TMEM132C: variants seen among roughly 807,000 people sequenced by gnomAD.
The protein encoded by TMEM132C is transmembrane protein 132C.
TMEM132C carries 29 observed loss-of-function variants against 61.4 expected under a neutral mutation model. The ratio of observed to expected loss-of-function variants is 0.47; its 90% confidence interval spans 0.35 to 0.64. TMEM132C has a LOEUF of 0.64. Ranked by LOEUF, TMEM132C falls within the 30% of genes least tolerant of loss-of-function variation. TMEM132C has a pLI of 0.00. For synonymous variants in TMEM132C, 656 were observed against 633.1 expected, an observed-to-expected ratio of 1.04 and a Z score of -0.54; for missense variants, 1,408 against 1,476.9, an observed-to-expected ratio of 0.95 and a Z score of 0.76.
At chr12:128,539,485 G>A (rs1402660877) in intron 2 of TMEM132C, among the ~76,000 whole-genome samples, 1 of 152,206 alleles carries the variant, frequency 6.6e-6, no homozygotes, top group Non-Finnish European at 1.5e-5. Flanking sequence ...GGGCGTGGCG[G>A]TGGTCGCCTG....
rs916242200 is a variant in TMEM132C, at chr12:128,344,386, C to T, written c.86-70346C>T. 2.0e-4 allele frequency among the ~76,000 whole-genome samples: 30 copies of T among 152,154 alleles called. 1 individual carries two copies. Among genetic ancestry groups the T allele is most frequent in the African/African-American group, 7.2e-4 (30 of 41,440 alleles). On this transcript the variant is annotated intron_variant, in intron 1 of 8. Coordinates refer to ENST00000435159, the MANE Select transcript of TMEM132C (RefSeq NM_001136103.3). ...TGTTAGCCAGGATAGTCTCCATCTT[C>T]TCACCTCGTGATCCACCCGCCTCGG... is the stretch of plus-strand genomic sequence containing the variant.
At chr12:128,359,330 A>C (rs749003753) in intron 1 of TMEM132C, among the ~76,000 whole-genome samples, 1 of 152,182 alleles carries the variant, frequency 6.6e-6, no homozygotes, top group Non-Finnish European at 1.5e-5. Flanking sequence ...AAGAGAGAGC[A>C]TGTGCAGGGG....
intron 2 of TMEM132C, among the ~76,000 whole-genome samples, chr12:128,416,599 A>G (rs1481633968): frequency 6.6e-6 from 1 of 152,236 alleles, no homozygotes; most frequent in Non-Finnish European, 1.5e-5. Context: ...ATGATAGCCT[A>G]TCATAGCATA....
At chr12:128,604,800 TA>T (rs1876356691) in intron 3 of TMEM132C, among the ~76,000 whole-genome samples, 1 of 148,522 alleles carries the variant, frequency 6.7e-6, no homozygotes, top group African/African-American at 2.5e-5. Context: ...AGATAGTAGA[TA>T]GATGATGGAT....
At position 128,646,240 on chromosome 12, in the gene TMEM132C, G is replaced by A. The variant is rs114283562; in HGVS notation, c.1306-23177G>A. Reference sequence around the variant, plus strand: ...AGTGTGTTTACTGGAGTCCGTCAGCGTTGGATTTGAGTGTGTTTACTAGAT... The same window carrying A: ...AGTGTGTTTACTGGAGTCCGTCAGCATTGGATTTGAGTGTGTTTACTAGAT... On this transcript the variant is annotated intron_variant, in intron 4 of 8. Transcript: ENST00000435159. 6.1e-3 allele frequency among the ~76,000 whole-genome samples: 918 copies of A among 151,692 alleles called. 8 individuals are homozygous for A. The highest frequency in any genetic ancestry group is 0.019 in the African/African-American group (779 of 41,342).
rs193084051 is a variant in TMEM132C at position 128,551,203 on chromosome 12, A to C, written c.1121+7100A>C. Reference sequence around the variant, plus strand: ...AACCCAAACTGAGACTCTCAGAAACATAAGAGCCCCCCCCCTCCCGCTTCC... The same window carrying C: ...AACCCAAACTGAGACTCTCAGAAACCTAAGAGCCCCCCCCCTCCCGCTTCC... On this transcript the variant is annotated intron_variant, in intron 3 of 8. Transcript: ENST00000435159. Among the ~76,000 whole-genome samples the C allele has an allele frequency of 6.2e-4, 93 of 150,816 alleles. 1 individual carries two copies. The Middle Eastern group carries it at 0.014, about 22-fold the overall frequency.
At chr12:128,354,170 A>G (rs1873426694) in intron 1 of TMEM132C, among the ~76,000 whole-genome samples, 2 of 152,004 alleles carry the variant, frequency 1.3e-5, no homozygotes, top group Non-Finnish European at 2.9e-5. Context: ...AAAGAGACAG[A>G]CAGAAGAGCA....
intron 2 of TMEM132C, among the ~76,000 whole-genome samples, chr12:128,468,549 C>A (rs2136077569): frequency 6.6e-6 from 1 of 152,124 alleles, no homozygotes; most frequent in Non-Finnish European, 1.5e-5. Flanking sequence ...GAACTCCCGA[C>A]CTCAGGTGAT....
chr12:128,609,871 G>A (rs974612946), intron 3 of TMEM132C, among the ~76,000 whole-genome samples: 3 of 152,182 alleles, frequency 2.0e-5, no homozygotes, highest in Non-Finnish European at 4.4e-5. Flanking sequence ...GTCCTCTCTA[G>A]AACTGGCATC....
chr12:128,310,385 C>T (rs1871928975), intron 1 of TMEM132C, among the ~76,000 whole-genome samples: 1 of 152,124 alleles, frequency 6.6e-6, no homozygotes, highest in Non-Finnish European at 1.5e-5. Flanking sequence ...GCTTAATTGG[C>T]TCATGGTTCT....
At chr12:128,451,157 T>C (rs1870162776) in intron 2 of TMEM132C, among the ~76,000 whole-genome samples, 1 of 152,188 alleles carries the variant, frequency 6.6e-6, no homozygotes, top group South Asian at 2.1e-4. Flanking sequence ...AAAATGTAGA[T>C]GTTTGGCTAC....
At chr12:128,610,022 C>T (rs956174734) in intron 3 of TMEM132C, among the ~76,000 whole-genome samples, 1 of 152,244 alleles carries the variant, frequency 6.6e-6, no homozygotes, top group African/African-American at 2.4e-5. Flanking sequence ...TTGCTTGCAA[C>T]TTGTGCCACC....
chr12:128,508,448 C>T (rs1275863206), intron 2 of TMEM132C, among the ~76,000 whole-genome samples: 4 of 152,172 alleles, frequency 2.6e-5, no homozygotes, highest in African/African-American at 9.7e-5. Flanking sequence ...GAGGAGTTAA[C>T]AACCGTTTCT....
At chr12:128,400,856 G>A (rs1008257431) in intron 1 of TMEM132C, among the ~76,000 whole-genome samples, 14 of 151,794 alleles carry the variant, frequency 9.2e-5, no homozygotes, top group African/African-American at 2.2e-4. Context: ...GGGATCCACC[G>A]CCTTAGCCTC....
chr12:128,477,297 A>G (rs1388941568), intron 2 of TMEM132C, among the ~76,000 whole-genome samples: 1 of 152,196 alleles, frequency 6.6e-6, no homozygotes, highest in African/African-American at 2.4e-5. Context: ...CCACCAAGCT[A>G]GCCTGGGAAT....
At chr12:128,355,053 A>G (rs1873457415) in intron 1 of TMEM132C, among the ~76,000 whole-genome samples, 1 of 152,218 alleles carries the variant, frequency 6.6e-6, no homozygotes, top group African/African-American at 2.4e-5. Context: ...TGTTTTCTTT[A>G]TGATGATTCT....
In TMEM132C at chr12:128,415,123, T is replaced by C; in HGVS notation, c.477T>C (p.Asp159=). 1 of 1,609,820 alleles carries C rather than the reference T, an allele frequency of 6.2e-7. No individual in the cohort carries two copies. Among genetic ancestry groups the C allele is most frequent in the Non-Finnish European group, 8.5e-7 (1 of 1,178,134 alleles). The change falls in exon 2 of 9, where the codon GAT becomes GAC. Residue 159 remains aspartate, a synonymous_variant. Coordinates refer to ENST00000435159, the MANE Select transcript of TMEM132C (RefSeq NM_001136103.3). The surrounding 1 kb of genome is among the most constrained non-coding windows in gnomAD (Gnocchi z 5.8). ...VLFHIMGRDW[D]DHGAGEKLPC... ...TCCACATCATGGGCAGAGACTGGGA[T>C]GACCACGGCGCCGGGGAGAAGCTGC...
intron 1 of TMEM132C, among the ~76,000 whole-genome samples, chr12:128,319,387 G>A (rs993764147): frequency 6.6e-6 from 1 of 151,992 alleles, no homozygotes; most frequent in African/African-American, 2.4e-5. Context: ...GAGACAGTGT[G>A]TGTGTGTGTG....
intron 3 of TMEM132C, among the ~76,000 whole-genome samples, chr12:128,567,703 C>G (rs145593459): frequency 2.6e-5 from 4 of 152,144 alleles, no homozygotes; most frequent in Non-Finnish European, 4.4e-5. Context: ...TCATGCTTCA[C>G]GTGGCAGGAT....
Sources: gnomAD v4.1 joint callset for allele counts (sites outside exome capture counted in the v4.1 genomes callset) on GRCh38, gnomAD v4.1.1 for gene constraint, Gnocchi (gnomAD v3.1) non-coding constraint, MANE v1.5 for transcripts, NCBI Gene and HGNC (gene_info 2026-07-23, HGNC 2026-07-21) for gene names.